Variants in TEC observed in about 807,000 individuals in gnomAD.
TEC encodes the protein tyrosine-protein kinase Tec.
A neutral mutation model predicts 93.0 loss-of-function variants in TEC; 72 were observed. The ratio of observed to expected loss-of-function variants is 0.77; its 90% CI spans 0.64 to 0.94. TEC has a LOEUF of 0.94. Ranked by LOEUF, TEC falls within the 40% of genes least tolerant of loss-of-function variation. The pLI is 0.00. For missense variants in TEC, 630 were observed against 757.9 expected, an observed-to-expected ratio of 0.83 and a Z score of 1.98; for synonymous variants, 249 against 247.7, an observed-to-expected ratio of 1.01 and a Z score of -0.05.
Position 48,145,547 on chromosome 4 carries a change from A to C in TEC, c.1114T>G (p.Phe372Val). Residue 372 changes from phenylalanine (F) to valine (V), a missense_variant, in exon 13 of 18, where the codon TTT becomes GTT. Phe to Val is a conservative substitution (Grantham distance 50). Transcript: ENST00000381501. ...AGTCCACTTCCCAATTCCCTCATAA[A>C]GGTCAGTTCTGAAGGGTTAATCTCC... Reference protein sequence around the residue: ...KWEINPSELTFMRELGSGLFG... With the variant: ...KWEINPSELTVMRELGSGLFG... 1 of 1,614,144 alleles carries C rather than the reference A, an allele frequency of 6.2e-7. No individual in the cohort carries two copies. The highest frequency in any genetic ancestry group is 1.1e-5 in the South Asian group (1 of 91,084).
chr4:48,141,492 T>A (rs1017664948), intron 14 of TEC, 73 bp from the exon 15 acceptor site: 1 of 1,437,448 alleles, frequency 7.0e-7, no homozygotes, highest in Non-Finnish European at 9.7e-7. Flanking sequence ...TAAGTTCTAT[T>A]TATATTAAAT....
chr4:48,149,586 A>C lies in TEC; in HGVS notation c.977T>G (p.Ile326Ser). 6.2e-7 allele frequency: 1 copy of C among 1,611,208 alleles called. No individual in the cohort carries two copies. Among genetic ancestry groups the C allele is most frequent in the Non-Finnish European group, 8.5e-7 (1 of 1,179,110 alleles). Reference protein sequence around the residue: ...EKHAFGSIPEIIEYHKHNAAG... With the variant: ...EKHAFGSIPESIEYHKHNAAG... ...TGCATTGTGCTTATGATATTCAATA[A>C]TCTCAGGAATGGAGCCAAAAGCATG... Residue 326 changes from isoleucine to serine, a missense_variant, in exon 11 of 18, where the codon ATT becomes AGT. Transcript: ENST00000381501.
chr4:48,232,527 C>T (rs2704404), intron 1 of TEC, among the ~76,000 whole-genome samples: 34,961 of 152,084 alleles, frequency 0.23, 4,604 homozygotes, highest in African/African-American at 0.36. Context: ...TCCCATACAA[C>T]TAAAGTTCAC....
intron 8 of TEC, among the ~76,000 whole-genome samples, chr4:48,162,408 CAT>C (rs1720707449): frequency 6.6e-6 from 1 of 152,224 alleles, no homozygotes; most frequent in Non-Finnish European, 1.5e-5. Context: ...ACTGAAATCA[CAT>C]GAGTCATAAA....
At chr4:48,207,274 G>A (rs570853941) in intron 2 of TEC, among the ~76,000 whole-genome samples, 2 of 152,150 alleles carry the variant, frequency 1.3e-5, no homozygotes, top group Non-Finnish European at 2.9e-5. Context: ...CCAGAAGACA[G>A]CCTGACAGAC....
At chr4:48,153,767 G>C (rs1226216282) in intron 9 of TEC, among the ~76,000 whole-genome samples, 3 of 152,176 alleles carry the variant, frequency 2.0e-5, no homozygotes, top group African/African-American at 7.2e-5. Flanking sequence ...AGCCAGGAAT[G>C]AAGCAGAAAA....
intron 2 of TEC, among the ~76,000 whole-genome samples, chr4:48,186,155 G>A (rs1031579190): frequency 6.6e-6 from 1 of 152,244 alleles, no homozygotes; most frequent in Admixed American, 6.5e-5. Flanking sequence ...TCGCTCACTA[G>A]GTGCTCAACG....
At chr4:48,226,557 T>C (rs1189075981) in intron 2 of TEC, among the ~76,000 whole-genome samples, 1 of 152,210 alleles carries the variant, frequency 6.6e-6, no homozygotes, top group African/African-American at 2.4e-5. Context: ...TTCTCTTTTT[T>C]ATGATTGTCT....
chr4:48,247,637 T>C (rs1284023797), intron 1 of TEC, among the ~76,000 whole-genome samples: 8 of 152,200 alleles, frequency 5.3e-5, no homozygotes, highest in Non-Finnish European at 1.0e-4. Context: ...AGAAGCCAGA[T>C]AGAAACGGCA....
At chr4:48,197,682 C>T (rs987002315) in intron 2 of TEC, among the ~76,000 whole-genome samples, 4 of 152,196 alleles carry the variant, frequency 2.6e-5, no homozygotes, top group African/African-American at 9.6e-5. Flanking sequence ...TGCTACTTTT[C>T]CACAATTAAC....
chr4:48,174,099 T>C (rs1721226438), intron 3 of TEC, among the ~76,000 whole-genome samples: 1 of 152,232 alleles, frequency 6.6e-6, no homozygotes, highest in South Asian at 2.1e-4. Flanking sequence ...TGCTTTAAAT[T>C]GTATAAAGCT....
chr4:48,193,269 A>G (rs1722156910), intron 2 of TEC, among the ~76,000 whole-genome samples: 1 of 151,348 alleles, frequency 6.6e-6, no homozygotes, highest in South Asian at 2.1e-4. Context: ...AACCAGCACC[A>G]CCACTTTTTC....
chr4:48,141,533 G>C, intron 14 of TEC, 114 bp from the exon 15 acceptor site: 1 of 996,330 alleles, frequency 1.0e-6, no homozygotes, highest in South Asian at 1.5e-5. Flanking sequence ...TTTGCAGAGA[G>C]TGGAAACACC....
At chr4:48,192,436 G>A (rs1343868726) in intron 2 of TEC, among the ~76,000 whole-genome samples, 7 of 152,024 alleles carry the variant, frequency 4.6e-5, no homozygotes, top group Admixed American at 1.3e-4. Flanking sequence ...TTGTAGTGAC[G>A]GTTTCATGGA....
chr4:48,179,812 C>T (rs1721514172), intron 2 of TEC, among the ~76,000 whole-genome samples: 1 of 152,138 alleles, frequency 6.6e-6, no homozygotes, highest in Admixed American at 6.5e-5. Context: ...CCTCAGTTTC[C>T]TCATCTGTAA....
chr4:48,201,644 CTG>C (rs1722512813), intron 2 of TEC, among the ~76,000 whole-genome samples: 1 of 152,148 alleles, frequency 6.6e-6, no homozygotes, highest in Non-Finnish European at 1.5e-5. Context: ...GAGCTGCTCA[CTG>C]GAGTTCTAAG....
rs768092786 is a variant in TEC, at chr4:48,141,426, A to G, written c.1471-7T>C. 1 of 1,613,386 alleles carries G rather than the reference A, an allele frequency of 6.2e-7. No individual in the cohort carries two copies. The highest frequency in any genetic ancestry group is 1.1e-5 in the South Asian group (1 of 91,058). On this transcript the variant is annotated splice_region_variant and splice_polypyrimidine_tract_variant and intron_variant, in intron 14 of 17. Transcript: ENST00000381501. Reference sequence around the variant, plus strand: ...CTAGACAATTTCTGGCAGCCTGGAAAACAACATTATGATGGTATATTAGTT... The same window carrying G: ...CTAGACAATTTCTGGCAGCCTGGAAGACAACATTATGATGGTATATTAGTT...
chr4:48,256,188 G>C (rs1212343456), intron 1 of TEC, among the ~76,000 whole-genome samples: 1 of 152,152 alleles, frequency 6.6e-6, no homozygotes, highest in East Asian at 1.9e-4. Context: ...GCAGGGCACT[G>C]GAGTAGTGCT....
intron 1 of TEC, among the ~76,000 whole-genome samples, chr4:48,248,542 G>C (rs911656660): frequency 6.6e-6 from 1 of 152,212 alleles, no homozygotes; most frequent in Non-Finnish European, 1.5e-5. Flanking sequence ...AGCAGACACT[G>C]GGAGGGGAAT....
Sources: gnomAD v4.1 joint callset for allele counts (sites outside exome capture counted in the v4.1 genomes callset) on GRCh38, gnomAD v4.1.1 for gene constraint, MANE v1.5 for transcripts, NCBI Gene and HGNC (gene_info 2026-07-23, HGNC 2026-07-21) for gene names.